Variants in ANKAR observed in about 807,000 individuals in gnomAD.
ANKAR encodes ankyrin and armadillo repeat containing, also known as ankyrin and armadillo repeat-containing protein.
ANKAR carries 136 observed loss-of-function variants against 146.2 expected under a neutral mutation model. The observed-to-expected ratio is 0.93, with a 90% CI of 0.81 to 1.07. The LOEUF (loss-of-function observed/expected upper bound fraction) is 1.07, where lower values mean the gene tolerates loss of function less well. Ranked by LOEUF, ANKAR falls within the 50% of genes least tolerant of loss-of-function variation. The probability of loss-of-function intolerance (pLI) is 0.00; values close to 1 mark genes in which losing one functional copy is unlikely to be tolerated. For synonymous variants in ANKAR, 500 were observed against 575.8 expected (o/e 0.87, Z 1.88); for missense variants, 1,567 against 1,679.9 (o/e 0.93, Z 1.18).
chr2:189,752,639 A>G, intron 18 of ANKAR: 1 of 1,613,326 alleles, frequency 6.2e-7, no homozygotes, highest in Non-Finnish European at 8.5e-7. Flanking sequence ...AAGATCATGA[A>G]TGATACCACA....
At chr2:189,688,166 ATTC>A (rs1422890824) in intron 2 of ANKAR, among the ~76,000 whole-genome samples, 1 of 152,136 alleles carries the variant, frequency 6.6e-6, no homozygotes, top group East Asian at 1.9e-4. Flanking sequence ...GTCTAGTTTT[ATTC>A]TTCTATACAT....
downstream of ANKAR, chr2:189,747,007 T>C: frequency 6.4e-6 from 1 of 157,076 alleles, no homozygotes; most frequent in South Asian, 1.9e-4. Flanking sequence ...ATATTACAAA[T>C]GTATAAGTCT....
At chr2:189,677,593 T>A (rs969805253) in intron 2 of ANKAR, among the ~76,000 whole-genome samples, 1 of 152,146 alleles carries the variant, frequency 6.6e-6, no homozygotes, top group African/African-American at 2.4e-5. Flanking sequence ...TCCAACCCCA[T>A]CCATGTTTCT....
chr2:189,762,762 A>G, downstream of ANKAR: 3 of 985,490 alleles, frequency 3.0e-6, no homozygotes, highest in Non-Finnish European at 3.6e-6. Flanking sequence ...TCGCTGCAGG[A>G]GAAAGCCCGA....
At chr2:189,704,777 T>C (rs2038687861) in intron 7 of ANKAR, among the ~76,000 whole-genome samples, 1 of 151,202 alleles carries the variant, frequency 6.6e-6, no homozygotes, top group Non-Finnish European at 1.5e-5. Flanking sequence ...TCTTTGCTTA[T>C]AAAAAAATAT....
intron 10 of ANKAR, among the ~76,000 whole-genome samples, chr2:189,718,090 A>AAAT (rs143822250): frequency 9.2e-5 from 14 of 152,028 alleles, no homozygotes; most frequent in African/African-American, 1.7e-4. Context: ...GTATAATAAA[A>AAAT]AAATAAAATA....
chr2:189,746,878 G>T, downstream of ANKAR: 1 of 316,456 alleles, frequency 3.2e-6, no homozygotes, highest in Middle Eastern at 9.3e-4. Flanking sequence ...ACTGACATGA[G>T]TGGTATAACT....
At chr2:189,728,131 AG>A (rs1283758258) in intron 13 of ANKAR, 34 bp downstream of exon 13, 17 of 1,560,334 alleles carry the variant, frequency 1.1e-5, no homozygotes, top group Non-Finnish European at 1.4e-5. Flanking sequence ...CATTTTTCTT[AG>A]ATGATGTTTT....
At chr2:189,754,636 A>G (rs2045804652) in intron 18 of ANKAR, 3 of 354,024 alleles carry the variant, frequency 8.5e-6, no homozygotes, top group South Asian at 4.6e-5. Context: ...ATGAACGTCA[A>G]TAATAAGAAC....
intron 12 of ANKAR, among the ~76,000 whole-genome samples, chr2:189,727,630 ACTAT>A (rs1360811721): frequency 6.6e-6 from 1 of 152,076 alleles, no homozygotes; most frequent in Non-Finnish European, 1.5e-5. Context: ...TACATCTATA[ACTAT>A]CTAAATCTAT....
rs774764913 is a variant in ANKAR, at chr2:189,753,971, C to T, written c.*585-7127C>T. 3.1e-6 allele frequency: 5 copies of T among 1,613,722 alleles called. No homozygotes were observed. The highest frequency in any genetic ancestry group is 2.5e-6 in the Non-Finnish European group (3 of 1,179,796). The stretch of plus-strand genomic sequence containing the variant: ...TCTCTGCTTACAAAACAGAATAGCC[C>T]GATGTGTTCTTTTCACAAGATGACA... On this transcript the variant is annotated intron_variant and NMD_transcript_variant, in intron 18 of 18. Transcript: ENST00000441800.
chr2:189,723,353 T>C (rs1002710646), intron 12 of ANKAR, among the ~76,000 whole-genome samples: 5 of 152,228 alleles, frequency 3.3e-5, no homozygotes, highest in Non-Finnish European at 4.4e-5. Flanking sequence ...TATATTCATG[T>C]ATGCATGCTT....
chr2:189,736,156 G>C (rs1329555196), intron 17 of ANKAR, among the ~76,000 whole-genome samples: 1 of 152,160 alleles, frequency 6.6e-6, no homozygotes, highest in Non-Finnish European at 1.5e-5. Flanking sequence ...ACCTGGCATG[G>C]TGGGAGCAGT....
chr2:189,721,635 A>C (rs1356206397), intron 12 of ANKAR, among the ~76,000 whole-genome samples: 1 of 152,200 alleles, frequency 6.6e-6, no homozygotes, highest in Non-Finnish European at 1.5e-5. Context: ...CAGTTTCAGC[A>C]GCTACTGCAA....
At chr2:189,741,819 A>C (rs2043362244) in intron 20 of ANKAR, among the ~76,000 whole-genome samples, 1 of 152,222 alleles carries the variant, frequency 6.6e-6, no homozygotes, top group South Asian at 2.1e-4. Context: ...TTCTGATTTA[A>C]AAAACAAAAA....
At chr2:189,710,390 C>T (rs1426626070) in intron 9 of ANKAR, among the ~76,000 whole-genome samples, 2 of 152,252 alleles carry the variant, frequency 1.3e-5, no homozygotes, top group East Asian at 3.9e-4. Flanking sequence ...CTTTGCTATT[C>T]TTGAAAACCC....
intron 2 of ANKAR, among the ~76,000 whole-genome samples, chr2:189,687,304 C>G (rs1265964178): frequency 6.6e-6 from 1 of 152,082 alleles, no homozygotes; most frequent in African/African-American, 2.4e-5. Context: ...GACGGAATCT[C>G]ATGGCTGAAT....
intron 7 of ANKAR, among the ~76,000 whole-genome samples, chr2:189,701,793 C>T (rs112256923): frequency 0.012 from 1,847 of 152,306 alleles, 27 homozygotes; most frequent in Non-Finnish European, 0.02. Flanking sequence ...TCCAACATCC[C>T]TGCCATGTCT....
At chr2:189,750,788 T>A, downstream of ANKAR, 1 of 588,936 alleles carries the variant, frequency 1.7e-6, no homozygotes. Context: ...TGATGATTCT[T>A]AAATACTTAC....
Sources: gnomAD v4.1 joint callset for allele counts (sites outside exome capture counted in the v4.1 genomes callset) on GRCh38, gnomAD v4.1.1 for gene constraint, MANE v1.5 for transcripts, NCBI Gene and HGNC (gene_info 2026-07-23, HGNC 2026-07-21) for gene names.